MYO16: variants seen among roughly 807,000 people sequenced by gnomAD.
The protein encoded by MYO16 is unconventional myosin-XVI.
Under a neutral mutation model 205.3 loss-of-function variants are expected in MYO16, and 94 were observed. The ratio of observed to expected loss-of-function variants is 0.46; its 90% CI spans 0.39 to 0.54. The LOEUF is 0.54. Among genes scored for constraint, MYO16 ranks in the 20% least tolerant of loss-of-function variants. MYO16 has a pLI of 0.00. For missense variants in MYO16, 2,315 were observed against 2,387.5 expected (o/e 0.97, Z 0.63); for synonymous variants, 988 against 954.0 (o/e 1.04, Z -0.66).
At chr13:108,591,646 A>T (rs114228881), upstream of MYO16, among the ~76,000 whole-genome samples, 704 of 152,312 alleles carry the variant, frequency 4.6e-3, 6 homozygotes, top group African/African-American at 0.016. Flanking sequence ...TTTAGAAAAA[A>T]AAAGTATTTG....
chr13:108,690,746 T>G (rs921970822), intron 2 of MYO16, among the ~76,000 whole-genome samples: 3 of 152,186 alleles, frequency 2.0e-5, no homozygotes, highest in Admixed American at 1.3e-4. Flanking sequence ...CAAATATTGA[T>G]AATAGACAAT....
At chr13:108,985,324 A>C (rs36001780) in intron 20 of MYO16, among the ~76,000 whole-genome samples, 1 of 152,126 alleles carries the variant, frequency 6.6e-6, no homozygotes, top group Admixed American at 6.5e-5. Flanking sequence ...CCTTGACAAC[A>C]TACATCAGCA....
chr13:109,051,840 A>T (rs1887256919), intron 24 of MYO16, among the ~76,000 whole-genome samples: 1 of 152,176 alleles, frequency 6.6e-6, no homozygotes, highest in African/African-American at 2.4e-5. Flanking sequence ...TGCACCAAGT[A>T]AGGCAGGTCC....
Position 109,136,055 on chromosome 13 carries a change from CTCCT to C in MYO16, c.4052-4190_4052-4187del, listed in dbSNP as rs369392215. ...TGGAAGTCATTTCTTTTCTTTCTTT[CTCCT>C]TCCTTCCTTCCTTCCTTCTTTCCTT... On this transcript the variant is annotated intron_variant, in intron 31 of 34. Transcript: ENST00000457511. 7.1e-3 allele frequency among the ~76,000 whole-genome samples: 1,069 copies of C among 150,982 alleles called. 5 individuals are homozygous for C. The highest frequency in any genetic ancestry group is 0.01 in the Non-Finnish European group (685 of 67,734).
intron 4 of MYO16, among the ~76,000 whole-genome samples, chr13:108,749,464 A>C (rs1885161983): frequency 6.6e-6 from 1 of 152,246 alleles, no homozygotes; most frequent in South Asian, 2.1e-4. Flanking sequence ...AAAGATCTTA[A>C]CAGACACCTC....
chr13:108,618,577 G>C (rs1242378282), intron 1 of MYO16, among the ~76,000 whole-genome samples: 1 of 152,130 alleles, frequency 6.6e-6, no homozygotes, highest in African/African-American at 2.4e-5. Flanking sequence ...CTAAGCTTAC[G>C]TTTGCATTTT....
intron 1 of MYO16, among the ~76,000 whole-genome samples, chr13:108,622,225 G>A (rs1221853841): frequency 6.6e-6 from 1 of 152,140 alleles, no homozygotes; most frequent in Non-Finnish European, 1.5e-5. Context: ...TATAAAGATA[G>A]CATTAGATCA....
intron 34 of MYO16, among the ~76,000 whole-genome samples, chr13:109,189,440 T>G (rs1297013135): frequency 2.0e-5 from 3 of 152,270 alleles, no homozygotes; most frequent in Admixed American, 6.5e-5. Context: ...TTCTGTTTCC[T>G]TATGATGACT....
At chr13:108,979,423 A>T (rs1884381152) in intron 20 of MYO16, among the ~76,000 whole-genome samples, 2 of 152,014 alleles carry the variant, frequency 1.3e-5, no homozygotes, top group South Asian at 4.1e-4. Flanking sequence ...TTCAGAGATA[A>T]AATAACAAGC....
At chr13:108,536,528 G>A in the MYO16 span, among the ~76,000 whole-genome samples, 1 of 152,076 alleles carries the variant, frequency 6.6e-6, no homozygotes, top group East Asian at 1.9e-4. Context: ...TGTAACCTTG[G>A]ACAAGTTACA....
At position 108,681,612 on chromosome 13, in the gene MYO16, TC is replaced by T. The variant is rs112248983; in HGVS notation, c.292+15465del. 3.7e-3 allele frequency among the ~76,000 whole-genome samples: 566 copies of T among 151,596 alleles called. 3 individuals carry two copies. The highest frequency in any genetic ancestry group is 0.013 in the African/African-American group (534 of 41,394). ...CATCTTCCTCATCTTTCTTTTTTTT[TC>T]CATCAAGAAGGTGAACATGTGCTCC... On this transcript the variant is annotated intron_variant, in intron 2 of 34. Coordinates refer to ENST00000457511, the MANE Select transcript of MYO16 (RefSeq NM_001198950.3).
In MYO16 at chr13:109,040,541, G is replaced by C. The variant is rs529169176; in HGVS notation, c.2797-6375G>C. Reference sequence around the variant, plus strand: ...GTTTTTGTTTTCTTTTTCTGGGGATGCACAGCTGATTCAATATCTCAAAAT... The same window carrying C: ...GTTTTTGTTTTCTTTTTCTGGGGATCCACAGCTGATTCAATATCTCAAAAT... On this transcript the variant is annotated intron_variant, in intron 23 of 34. Transcript: ENST00000457511. 5.9e-5 allele frequency among the ~76,000 whole-genome samples: 9 copies of C among 152,152 alleles called. No homozygotes were observed. In the East Asian group the frequency reaches 1.7e-3, roughly 29 times the overall value.
the MYO16 span, among the ~76,000 whole-genome samples, chr13:108,519,913 C>T: frequency 2.6e-5 from 4 of 151,962 alleles, no homozygotes; most frequent in Admixed American, 6.6e-5. Context: ...GAATACTGTT[C>T]GTGTTTTAAA....
the MYO16 span, among the ~76,000 whole-genome samples, chr13:108,571,540 G>C: frequency 6.6e-6 from 1 of 152,060 alleles, no homozygotes; most frequent in Non-Finnish European, 1.5e-5. Flanking sequence ...TGTCAAATGT[G>C]GCAAATGTGG....
chr13:108,933,620 T>G (rs1594407146), intron 16 of MYO16, among the ~76,000 whole-genome samples: 1 of 152,184 alleles, frequency 6.6e-6, no homozygotes, highest in East Asian at 1.9e-4. Flanking sequence ...TGTTTTAGAT[T>G]TGTGGAGTAC....
At chr13:109,075,796 GAC>G (rs1360143569) in intron 27 of MYO16, among the ~76,000 whole-genome samples, 1 of 152,156 alleles carries the variant, frequency 6.6e-6, no homozygotes, top group Non-Finnish European at 1.5e-5. Context: ...ATATTCTGAA[GAC>G]ACATGTGTAT....
chr13:108,932,573 A>T (rs1882305031), intron 16 of MYO16, among the ~76,000 whole-genome samples: 1 of 152,184 alleles, frequency 6.6e-6, no homozygotes, highest in Non-Finnish European at 1.5e-5. Context: ...TGTGCAGTCT[A>T]TGTTGAAACC....
chr13:108,665,991 T>G lies in MYO16; in HGVS notation c.134T>G (p.Met45Arg). ...CAACGGCAGCGTCTAGTGAAGCGCA[T>G]GCGCTGTGAGCAAATCAAAGCCTAC... is the stretch of plus-strand genomic sequence containing the variant. Reference protein sequence around the residue: ...LGQRQRLVKRMRCEQIKAYYE... With the variant: ...LGQRQRLVKRRRCEQIKAYYE... Residue 45 changes from methionine (M) to arginine (R), a missense_variant, in exon 2 of 35, where the codon ATG becomes AGG. Physicochemically the swap from Met to Arg is moderately conservative, Grantham distance 91. Coordinates refer to ENST00000457511, the MANE Select transcript of MYO16 (RefSeq NM_001198950.3). The G allele has an allele frequency of 6.2e-7, 1 of 1,614,158 alleles. No individual in the cohort carries two copies.
chr13:109,053,890 A>G (rs1887330358), intron 25 of MYO16, among the ~76,000 whole-genome samples: 1 of 152,048 alleles, frequency 6.6e-6, no homozygotes, highest in Non-Finnish European at 1.5e-5. Flanking sequence ...TTTTACGTTC[A>G]CTTGTCAGTA....
Sources: gnomAD v4.1 joint callset for allele counts (sites outside exome capture counted in the v4.1 genomes callset) on GRCh38, gnomAD v4.1.1 for gene constraint, MANE v1.5 for transcripts, NCBI Gene and HGNC (gene_info 2026-07-23, HGNC 2026-07-21) for gene names.